NFIL3: variants seen among roughly 807,000 people sequenced by gnomAD.
The protein encoded by NFIL3 is nuclear factor interleukin-3-regulated protein.
NFIL3 carries 5 observed loss-of-function variants against 10.0 expected under a neutral mutation model. The ratio of observed to expected loss-of-function variants is 0.50; its 90% confidence interval spans 0.26 to 1.06. The LOEUF (loss-of-function observed/expected upper bound fraction) is 1.06, where lower values mean the gene tolerates loss of function less well. Among genes scored for constraint, NFIL3 ranks in the 50% least tolerant of loss-of-function variants. NFIL3 has a pLI of 0.13. For missense variants in NFIL3, 436 were observed against 547.6 expected (o/e 0.80, Z 2.03); for synonymous variants, 202 against 206.5 (o/e 0.98, Z 0.19).
In NFIL3 at chr9:91,412,144, CACTT is replaced by C. The variant is rs1452934963; in HGVS notation, c.-172-1242_-172-1239del. 6.4e-5 allele frequency among the ~76,000 whole-genome samples: 8 copies of C among 124,250 alleles called. No homozygotes were observed. In the South Asian group the frequency reaches 1.7e-3, roughly 26 times the overall value. 81.5% of individuals were successfully genotyped at this position (124,250 alleles called of 152,430 possible). On this transcript the variant is annotated intron_variant, in intron 1 of 1. Coordinates refer to ENST00000297689, the MANE Select transcript of NFIL3 (RefSeq NM_005384.3). The stretch of plus-strand genomic sequence containing the variant: ...AAAAACCCCACACAAAACAAAAAAA[CACTT>C]ACTATTCAAAGGGGGTTTTTAAAAG...
chr9:91,421,740 C>T (rs116944714), intron 1 of NFIL3, among the ~76,000 whole-genome samples: 1,789 of 152,304 alleles, frequency 0.012, 12 homozygotes, highest in Non-Finnish European at 0.02. Context: ...CCTAGAGCAA[C>T]TAGCTTCTTG....
At chr9:91,424,640 C>T (rs781307188), upstream of NFIL3, among the ~76,000 whole-genome samples, 14 of 152,208 alleles carry the variant, frequency 9.2e-5, no homozygotes, top group Non-Finnish European at 1.8e-4. Context: ...GCGAAGATGA[C>T]GGCTGCAAAG....
chr9:91,445,530 C>T, the NFIL3 span, among the ~76,000 whole-genome samples: 1 of 152,120 alleles, frequency 6.6e-6, no homozygotes, highest in African/African-American at 2.4e-5. Context: ...TAGAACAGCT[C>T]AGCCAAGGGT....
the NFIL3 span, among the ~76,000 whole-genome samples, chr9:91,480,188 G>A: frequency 6.6e-6 from 1 of 151,070 alleles, no homozygotes; most frequent in Non-Finnish European, 1.5e-5. Flanking sequence ...TGTCTCCCAG[G>A]CTGGAGTGCA....
At chr9:91,424,148 G>A (rs1833833899), upstream of NFIL3, among the ~76,000 whole-genome samples, 1 of 151,994 alleles carries the variant, frequency 6.6e-6, no homozygotes, top group South Asian at 2.1e-4. Context: ...CGACACGACC[G>A]GAGCGAGCCT....
chr9:91,459,337 T>G, the NFIL3 span, among the ~76,000 whole-genome samples: 1 of 152,128 alleles, frequency 6.6e-6, no homozygotes, highest in South Asian at 2.1e-4. Flanking sequence ...CAAAAGGCAG[T>G]TTTTATGTTG....
Position 91,410,344 on chromosome 9 carries a change from A to G in NFIL3, c.391T>C (p.Ser131Pro). Residue 131 changes from serine (S) to proline (P), a missense_variant, in exon 2 of 2, where the codon TCC (serine) becomes CCC (proline). By Grantham distance (74) the Ser-to-Pro change is moderately conservative. Coordinates refer to ENST00000297689, the MANE Select transcript of NFIL3 (RefSeq NM_005384.3). This position sits in a 1 kb window ranked among gnomAD's most constrained non-coding sequence, Gnocchi z 5.7. ...SLKLKFGLISSTAYAQEIQKL... is the reference protein window; with the variant it reads ...SLKLKFGLISPTAYAQEIQKL... ...TGAATCTCTTGAGCATATGCTGTGGAGCTAATTAAACCAAACTTTAATTTT... is the reference window on the plus strand; with the variant it reads ...TGAATCTCTTGAGCATATGCTGTGGGGCTAATTAAACCAAACTTTAATTTT... The G allele has an allele frequency of 1.2e-5, 20 of 1,614,150 alleles. No individual in the cohort carries two copies. Among genetic ancestry groups the G allele is most frequent in the Non-Finnish European group, 1.7e-5 (20 of 1,180,030 alleles).
At chr9:91,438,947 G>A in the NFIL3 span, among the ~76,000 whole-genome samples, 7 of 152,220 alleles carry the variant, frequency 4.6e-5, no homozygotes, top group African/African-American at 1.7e-4. Flanking sequence ...TATAATTTAA[G>A]ATCAGAAAGT....
chr9:91,480,677 T>C, the NFIL3 span, among the ~76,000 whole-genome samples: 2 of 152,144 alleles, frequency 1.3e-5, no homozygotes, highest in African/African-American at 4.8e-5. Flanking sequence ...GCAAGGAAAT[T>C]TCAGGAGGTC....
the NFIL3 span, among the ~76,000 whole-genome samples, chr9:91,441,591 G>A: frequency 1.3e-5 from 2 of 151,712 alleles, no homozygotes; most frequent in Non-Finnish European, 2.9e-5. Flanking sequence ...TGCTTTTTTT[G>A]TCTATCTTTG....
intron 1 of NFIL3, among the ~76,000 whole-genome samples, chr9:91,415,980 C>A (rs1564157110): frequency 6.6e-6 from 1 of 152,082 alleles, no homozygotes; most frequent in East Asian, 1.9e-4. Flanking sequence ...AAGATACTAT[C>A]TAGAACTTTT....
chr9:91,411,125 C>CA (rs1322713501), intron 1 of NFIL3, among the ~76,000 whole-genome samples: 1 of 152,112 alleles, frequency 6.6e-6, no homozygotes, highest in African/African-American at 2.4e-5. Context: ...TGAGGCCTAT[C>CA]AGTAAGAGAA....
the NFIL3 span, among the ~76,000 whole-genome samples, chr9:91,442,952 C>A: frequency 6.6e-6 from 1 of 152,274 alleles, no homozygotes; most frequent in East Asian, 1.9e-4. Flanking sequence ...GGTCCAAGTT[C>A]TTGTCCCACA....
chr9:91,454,461 C>T, the NFIL3 span, among the ~76,000 whole-genome samples: 1 of 151,960 alleles, frequency 6.6e-6, no homozygotes, highest in African/African-American at 2.4e-5. Context: ...GTCTTGATTA[C>T]CTATGAAATT....
At chr9:91,479,913 C>A in the NFIL3 span, among the ~76,000 whole-genome samples, 16 of 152,264 alleles carry the variant, frequency 1.1e-4, no homozygotes, top group Non-Finnish European at 8.8e-5. Context: ...GAGGGAGTTC[C>A]CTGACCCCTT....
chr9:91,418,816 T>C (rs961546341), intron 1 of NFIL3, among the ~76,000 whole-genome samples: 2 of 151,126 alleles, frequency 1.3e-5, no homozygotes, highest in East Asian at 1.9e-4. Flanking sequence ...AACAAGTTTA[T>C]GCTCTATTAT....
the NFIL3 span, among the ~76,000 whole-genome samples, chr9:91,460,268 G>GTTTTTTTTTTTTTTTTTTTTTTTTTTT: frequency 1.3e-5 from 1 of 77,106 alleles, no homozygotes; most frequent in African/African-American, 1.3e-4. Context: ...GGAGGGCTTG[G>GTTTTTTTTTTTTTTTTTTTTTTTTTTT]TTCTTTTTTT....
chr9:91,412,113 A>C (rs1238835459), intron 1 of NFIL3, among the ~76,000 whole-genome samples: 5 of 150,562 alleles, frequency 3.3e-5, no homozygotes, highest in African/African-American at 4.9e-5. Flanking sequence ...AAAAAAAAAA[A>C]AAAAAAAAAA....
At chr9:91,452,729 G>A in the NFIL3 span, among the ~76,000 whole-genome samples, 1 of 147,230 alleles carries the variant, frequency 6.8e-6, no homozygotes, top group East Asian at 2.0e-4. Context: ...GGAGGTTGCA[G>A]TGAGCCGAGA....
Sources: allele counts gnomAD v4.1 joint callset (sites outside exome capture counted in the v4.1 genomes callset), GRCh38; gene constraint gnomAD v4.1.1; non-coding constraint Gnocchi (gnomAD v3.1); transcripts MANE v1.5; gene names NCBI Gene and HGNC (gene_info 2026-07-23, HGNC 2026-07-21).